CASP4: variants seen among roughly 807,000 people sequenced by gnomAD.
CASP4 encodes the protein caspase 4, also known as caspase-4.
A neutral mutation model predicts 41.3 loss-of-function variants in CASP4; 29 were observed. The observed-to-expected ratio is 0.70, with a 90% CI of 0.52 to 0.96. The LOEUF is 0.96. CASP4 is among the 40% of genes least tolerant of loss of function. CASP4 has a pLI of 0.00. For synonymous variants in CASP4, 185 were observed against 158.4 expected, an observed-to-expected ratio of 1.17 and a Z score of -1.26; for missense variants, 447 against 460.6, an observed-to-expected ratio of 0.97 and a Z score of 0.27.
intron 1 of CASP4, among the ~76,000 whole-genome samples, chr11:104,959,067 A>C (rs1860803342): frequency 6.6e-6 from 1 of 152,068 alleles, no homozygotes; most frequent in Non-Finnish European, 1.5e-5. Flanking sequence ...GATATGATCA[A>C]GCAATCCCAC....
chr11:104,961,554 C>T (rs781167240), intron 1 of CASP4, among the ~76,000 whole-genome samples: 5 of 152,260 alleles, frequency 3.3e-5, no homozygotes, highest in Middle Eastern at 3.4e-3. Context: ...AGCTCCACCA[C>T]GGGGTATCTG....
chr11:104,955,924 A>G (rs544870631), intron 1 of CASP4, among the ~76,000 whole-genome samples: 1 of 152,270 alleles, frequency 6.6e-6, no homozygotes, highest in Admixed American at 6.5e-5. Flanking sequence ...AAATCATGTC[A>G]GGACATTGCA....
intron 2 of CASP4, among the ~76,000 whole-genome samples, chr11:104,954,462 G>A (rs182795990): frequency 6.6e-6 from 1 of 152,284 alleles, no homozygotes; most frequent in East Asian, 1.9e-4. Flanking sequence ...TAGGTCACAG[G>A]TGACAGAATC....
chr11:104,948,651 T>A lies in CASP4; in HGVS notation c.807A>T (p.Arg269Ser). 1 of 1,608,598 alleles carries A rather than the reference T, an allele frequency of 6.2e-7. No individual in the cohort carries two copies. The highest frequency in any genetic ancestry group is 8.5e-7 in the Non-Finnish European group (1 of 1,176,442). ...CCACTTCCAAGGATGCTGGAGAGTC[T>A]CTGACCCACAGTTCCCCACGGTTTG... is the stretch of plus-strand genomic sequence containing the variant. Reference protein sequence around the residue: ...RGANRGELWVRDSPASLEVAS... With the variant: ...RGANRGELWVSDSPASLEVAS... Residue 269 changes from arginine (R) to serine (S), a missense_variant, in exon 6 of 9, where the codon AGA becomes AGT. Coordinates refer to ENST00000444739, the MANE Select transcript of CASP4 (RefSeq NM_001225.4).
At chr11:104,947,227 GA>G in intron 6 of CASP4, 35 bp from the exon 7 acceptor site, 1 of 1,219,092 alleles carries the variant, frequency 8.2e-7, no homozygotes, top group South Asian at 1.4e-5. Flanking sequence ...CTTGGGCTAT[GA>G]CTTTCACTAT....
chr11:104,949,826 A>T (rs778915634), intron 4 of CASP4, 49 bp from the exon 5 acceptor site: 9 of 1,559,816 alleles, frequency 5.8e-6, no homozygotes, highest in Admixed American at 3.4e-5. Flanking sequence ...TCACAATTAA[A>T]GGGGACTCCT....
chr11:104,949,298 G>C (rs183677423), intron 5 of CASP4: 1 of 527,374 alleles, frequency 1.9e-6, no homozygotes, highest in East Asian at 3.0e-5. Context: ...GTTTAACTTT[G>C]ATTTAGGGAT....
chr11:104,949,520 A>G, intron 5 of CASP4, 23 bp downstream of exon 5: 1 of 1,607,940 alleles, frequency 6.2e-7, no homozygotes, highest in Non-Finnish European at 8.5e-7. Context: ...CATAACTGTT[A>G]GATGTTCAGT....
At chr11:104,944,083 G>C (rs1860390392) in intron 8 of CASP4, 2 of 152,200 alleles carry the variant, frequency 1.3e-5, no homozygotes, top group South Asian at 4.1e-4. Flanking sequence ...CTTCTGGACT[G>C]TGATTGAAGA....
At chr11:104,959,521 T>G (rs1431064145) in intron 1 of CASP4, among the ~76,000 whole-genome samples, 1 of 152,186 alleles carries the variant, frequency 6.6e-6, no homozygotes, top group Non-Finnish European at 1.5e-5. Flanking sequence ...CATTATATGC[T>G]TAAAAGAATA....
intron 4 of CASP4, among the ~76,000 whole-genome samples, chr11:104,950,101 A>G (rs928221702): frequency 1.5e-4 from 23 of 152,228 alleles, no homozygotes; most frequent in African/African-American, 5.3e-4. Flanking sequence ...GCAACACACC[A>G]TGTTCTTTGT....
At chr11:104,948,447 G>T (rs1860516463) in intron 6 of CASP4, 86 bp downstream of exon 6, 2 of 1,305,478 alleles carry the variant, frequency 1.5e-6, no homozygotes, top group African/African-American at 2.9e-5. Flanking sequence ...TCAGATCATT[G>T]TTTCATAGGG....
In CASP4 at chr11:104,954,959, A is replaced by C; in HGVS notation, c.50T>G (p.Leu17Arg). ...RKKPLKVLES[L>R]GKDFLTGVLD... is the part of the protein sequence containing the mutation. Reference sequence around the variant, plus strand: ...AACACCAGTGAGGAAATCTTTGCCCAGGGATTCCAACACCTTAAGTGGCTT... The same window carrying C: ...AACACCAGTGAGGAAATCTTTGCCCCGGGATTCCAACACCTTAAGTGGCTT... Residue 17 changes from leucine to arginine, a missense_variant, in exon 2 of 9, where the codon CTG (leucine) becomes CGG (arginine). Physicochemically the swap from Leu to Arg is moderately radical, Grantham distance 102. Coordinates refer to ENST00000444739, the MANE Select transcript of CASP4 (RefSeq NM_001225.4). The C allele has an allele frequency of 6.2e-7, 1 of 1,613,682 alleles. No homozygotes were observed. Among genetic ancestry groups the C allele is most frequent in the Non-Finnish European group, 8.5e-7 (1 of 1,179,742 alleles).
At position 104,949,641 on chromosome 11, in the gene CASP4, A is replaced by C; in HGVS notation, c.683T>G (p.Val228Gly). Residue 228 changes from valine to glycine, a missense_variant, in exon 5 of 9, where the codon GTG becomes GGG. Val to Gly is a moderately radical substitution (Grantham distance 109). Coordinates refer to ENST00000444739, the MANE Select transcript of CASP4 (RefSeq NM_001225.4). Reference protein sequence around the residue: ...GTVHDEKKPDVLLYDTIFQIF... With the variant: ...GTVHDEKKPDGLLYDTIFQIF... ...CTGGAAGATGGTGTCATAAAGCAGCACATCTGGTTTTTTCTCATCATGCAC... is the reference window on the plus strand; with the variant it reads ...CTGGAAGATGGTGTCATAAAGCAGCCCATCTGGTTTTTTCTCATCATGCAC... 6.2e-7 allele frequency: 1 copy of C among 1,613,950 alleles called. No individual in the cohort carries two copies. The highest frequency in any genetic ancestry group is 8.5e-7 in the Non-Finnish European group (1 of 1,179,906).
chr11:104,947,983 A>C (rs540122585), intron 6 of CASP4: 1 of 152,220 alleles, frequency 6.6e-6, no homozygotes, highest in Non-Finnish European at 1.5e-5. Context: ...TATGTCAATC[A>C]TACCTCAATA....
Position 104,954,812 on chromosome 11 carries a change from C to T in CASP4, c.197G>A (p.Arg66His), listed in dbSNP as rs150997782. The T allele has an allele frequency of 1.3e-4, 214 of 1,613,596 alleles. No homozygotes were observed. Among genetic ancestry groups the T allele is most frequent in the Admixed American group, 7.5e-4 (45 of 59,958 alleles). Residue 66 changes from arginine (R) to histidine (H), a missense_variant, in exon 2 of 9, where the codon CGT becomes CAT. Arg to His is a conservative substitution (Grantham distance 29). Coordinates refer to ENST00000444739, the MANE Select transcript of CASP4 (RefSeq NM_001225.4). ...VMADSMQEKQ[R>H]MAGQMLLQTF... ...TTGAAGAAGCATTTGTCCTGCCATACGTTGCTTCTCTTGCATAGAGTCTGC... is the reference window on the plus strand; with the variant it reads ...TTGAAGAAGCATTTGTCCTGCCATATGTTGCTTCTCTTGCATAGAGTCTGC...
chr11:104,944,382 G>A (rs942813334), intron 8 of CASP4: 2 of 202,234 alleles, frequency 9.9e-6, no homozygotes, highest in African/African-American at 4.7e-5. Context: ...GTGTGTGTGT[G>A]TGTGTGTGTG....
intron 1 of CASP4, among the ~76,000 whole-genome samples, chr11:104,959,511 C>A (rs1860811612): frequency 6.6e-6 from 1 of 152,092 alleles, no homozygotes; most frequent in Non-Finnish European, 1.5e-5. Flanking sequence ...TGATGGCATC[C>A]ATTATATGCT....
intron 1 of CASP4, among the ~76,000 whole-genome samples, chr11:104,965,385 A>G (rs1257905705): frequency 1.3e-5 from 2 of 152,198 alleles, no homozygotes; most frequent in Non-Finnish European, 2.9e-5. Flanking sequence ...AATTTCCACT[A>G]TGTCTCCTGT....
Sources: gnomAD v4.1 joint callset for allele counts (sites outside exome capture counted in the v4.1 genomes callset) on GRCh38, gnomAD v4.1.1 for gene constraint, MANE v1.5 for transcripts, NCBI Gene and HGNC (gene_info 2026-07-23, HGNC 2026-07-21) for gene names.